SPMAP2L: variants seen among roughly 807,000 people sequenced by gnomAD.
The protein encoded by SPMAP2L is sperm microtubule associated protein 2-like.
the SPMAP2L span, among the ~76,000 whole-genome samples, chr4:56,625,491 G>C: frequency 6.6e-6 from 1 of 152,138 alleles, no homozygotes; most frequent in Admixed American, 6.5e-5. Context: ...ATCTCAACTT[G>C]AATTGTATCT....
the SPMAP2L span, among the ~76,000 whole-genome samples, chr4:56,546,529 C>A: frequency 3.7e-4 from 56 of 152,174 alleles, no homozygotes; most frequent in African/African-American, 1.2e-3. Context: ...AATTTGGAAA[C>A]CACTATAACA....
At chr4:56,534,987 G>A in the SPMAP2L span, among the ~76,000 whole-genome samples, 3 of 151,970 alleles carry the variant, frequency 2.0e-5, no homozygotes, top group Non-Finnish European at 2.9e-5. Flanking sequence ...CACCAATGAA[G>A]TCTTCCTGCA....
chr4:56,599,925 A>G, the SPMAP2L span, among the ~76,000 whole-genome samples: 2 of 152,224 alleles, frequency 1.3e-5, no homozygotes, highest in East Asian at 3.9e-4. Flanking sequence ...ATCACTGATC[A>G]TTAGAGAGAT....
At chr4:56,607,704 T>C in the SPMAP2L span, among the ~76,000 whole-genome samples, 4 of 152,064 alleles carry the variant, frequency 2.6e-5, no homozygotes, top group Non-Finnish European at 5.9e-5. Flanking sequence ...ATATGGACAG[T>C]AACCTGGGCA....
At chr4:56,536,074 G>A in the SPMAP2L span, among the ~76,000 whole-genome samples, 2 of 152,368 alleles carry the variant, frequency 1.3e-5, no homozygotes, top group South Asian at 2.1e-4. Context: ...AGGAGGCGGA[G>A]TTGAGGCTGT....
At chr4:56,596,628 T>C in the SPMAP2L span, 2 of 1,513,602 alleles carry the variant, frequency 1.3e-6, no homozygotes, top group Non-Finnish European at 8.8e-7. Flanking sequence ...TGCCCATCCG[T>C]CCTGTAAGCC....
the SPMAP2L span, chr4:56,601,135 G>C: frequency 1.3e-6 from 2 of 1,525,078 alleles, no homozygotes; most frequent in African/African-American, 2.7e-5. Flanking sequence ...GCTAAAGTGG[G>C]ACAGGAAAGG....
the SPMAP2L span, among the ~76,000 whole-genome samples, chr4:56,556,445 G>A: frequency 2.6e-5 from 4 of 152,206 alleles, no homozygotes; most frequent in African/African-American, 7.2e-5. Context: ...GGTTTGGGAG[G>A]AAGATACATT....
chr4:56,555,317 T>C, the SPMAP2L span, among the ~76,000 whole-genome samples: 1 of 152,084 alleles, frequency 6.6e-6, no homozygotes, highest in East Asian at 1.9e-4. Flanking sequence ...ATCTGTATTT[T>C]ATCCCACTCA....
chr4:56,575,595 G>A, the SPMAP2L span: 1 of 1,535,442 alleles, frequency 6.5e-7, no homozygotes, highest in Non-Finnish European at 8.7e-7. Flanking sequence ...AAAGGATCCA[G>A]AGGCTGTCAC....
the SPMAP2L span, among the ~76,000 whole-genome samples, chr4:56,532,387 A>T: frequency 6.6e-6 from 1 of 151,952 alleles, no homozygotes; most frequent in South Asian, 2.1e-4. Flanking sequence ...TTTAATGAAA[A>T]GCAAAATCCT....
the SPMAP2L span, among the ~76,000 whole-genome samples, chr4:56,580,564 G>A: frequency 2.0e-5 from 3 of 152,068 alleles, no homozygotes; most frequent in African/African-American, 4.8e-5. Context: ...TCAGGAACAA[G>A]CAAAGTTGTC....
the SPMAP2L span, among the ~76,000 whole-genome samples, chr4:56,580,367 C>A: frequency 7.9e-5 from 12 of 151,606 alleles, no homozygotes; most frequent in Admixed American, 1.3e-4. Flanking sequence ...ATGAAAAAAA[C>A]AAAAACTACA....
chr4:56,561,343 C>A, the SPMAP2L span, among the ~76,000 whole-genome samples: 1 of 152,096 alleles, frequency 6.6e-6, no homozygotes. Flanking sequence ...TATTTTGCTA[C>A]AACAGAATAC....
chr4:56,624,740 G>A, the SPMAP2L span, among the ~76,000 whole-genome samples: 3 of 152,306 alleles, frequency 2.0e-5, no homozygotes, highest in South Asian at 4.1e-4. Flanking sequence ...TGAGGTTTGG[G>A]AACCTCCACT....
the SPMAP2L span, among the ~76,000 whole-genome samples, chr4:56,560,462 T>A: frequency 1.3e-5 from 2 of 152,324 alleles, no homozygotes; most frequent in South Asian, 4.1e-4. Context: ...TGTCCTCTCA[T>A]AGGAATTTTG....
the SPMAP2L span, among the ~76,000 whole-genome samples, chr4:56,545,408 A>G: frequency 2.0e-5 from 3 of 152,210 alleles, no homozygotes; most frequent in Non-Finnish European, 2.9e-5. Flanking sequence ...ACATGTGAGT[A>G]CATGTTTACA....
chr4:56,612,040 CT>C, the SPMAP2L span, among the ~76,000 whole-genome samples: 1 of 152,146 alleles, frequency 6.6e-6, no homozygotes, highest in Non-Finnish European at 1.5e-5. Flanking sequence ...TTTGGGTGGT[CT>C]TTGTTTATTT....
At chr4:56,532,689 T>C in the SPMAP2L span, among the ~76,000 whole-genome samples, 1 of 152,198 alleles carries the variant, frequency 6.6e-6, no homozygotes, top group Non-Finnish European at 1.5e-5. Flanking sequence ...TTGGTTAGGC[T>C]TCTTTCCTCT....
Sources: gnomAD v4.1 joint callset for allele counts (sites outside exome capture counted in the v4.1 genomes callset) on GRCh38, gnomAD v4.1.1 for gene constraint, MANE v1.5 for transcripts, NCBI Gene and HGNC (gene_info 2026-07-23, HGNC 2026-07-21) for gene names.